Variants in RNF150 observed in about 807,000 individuals in gnomAD.
RNF150 encodes ring finger protein 150.
Under a neutral mutation model 39.3 loss-of-function variants are expected in RNF150, and 24 were observed. The observed-to-expected ratio is 0.61, with a 90% CI of 0.44 to 0.86. The LOEUF is 0.86. Ranked by LOEUF, RNF150 falls within the 40% of genes least tolerant of loss-of-function variation. The probability of loss-of-function intolerance (pLI) is 0.00; values close to 1 mark genes in which losing one functional copy is unlikely to be tolerated. For synonymous variants in RNF150, 255 were observed against 227.3 expected, an observed-to-expected ratio of 1.12 and a Z score of -1.10; for missense variants, 502 against 587.8, an observed-to-expected ratio of 0.85 and a Z score of 1.51.
intron 5 of RNF150, among the ~76,000 whole-genome samples, chr4:140,915,296 G>C (rs1366136637): frequency 1.3e-5 from 2 of 152,206 alleles, no homozygotes; most frequent in East Asian, 3.9e-4. Context: ...TGCATAAAAA[G>C]GGTTTCAGTT....
At chr4:141,041,131 G>A (rs1197309316) in intron 1 of RNF150, among the ~76,000 whole-genome samples, 3 of 152,114 alleles carry the variant, frequency 2.0e-5, no homozygotes, top group Non-Finnish European at 4.4e-5. Flanking sequence ...TAAGCCTACA[G>A]CAAAAAACTG....
chr4:141,165,492 T>A (rs1727584687), intron 1 of RNF150, among the ~76,000 whole-genome samples: 1 of 152,206 alleles, frequency 6.6e-6, no homozygotes, highest in African/African-American at 2.4e-5. Context: ...CAACAGAATA[T>A]ACATTTTTCT....
intron 1 of RNF150, among the ~76,000 whole-genome samples, chr4:141,163,114 G>A (rs1046190134): frequency 6.6e-6 from 1 of 152,152 alleles, no homozygotes; most frequent in Non-Finnish European, 1.5e-5. Flanking sequence ...GGGCTTGGTT[G>A]GGGCAGAGGT....
intron 5 of RNF150, among the ~76,000 whole-genome samples, chr4:140,925,590 T>C (rs1031145160): frequency 1.3e-5 from 2 of 152,066 alleles, no homozygotes. Context: ...TGGGGCAAAG[T>C]GTGGCTTACG....
At chr4:141,190,539 T>C (rs778685291) in intron 1 of RNF150, among the ~76,000 whole-genome samples, 11 of 152,206 alleles carry the variant, frequency 7.2e-5, no homozygotes, top group South Asian at 2.1e-4. Context: ...ACAACTTGAA[T>C]GAGCTTGGAA....
chr4:140,879,313 T>C (rs893726427), intron 6 of RNF150, among the ~76,000 whole-genome samples: 2 of 152,210 alleles, frequency 1.3e-5, no homozygotes, highest in Admixed American at 1.3e-4. Flanking sequence ...AATTTACAGA[T>C]TGCTTTGGGT....
At chr4:140,952,322 C>G (rs537127246) in intron 2 of RNF150, among the ~76,000 whole-genome samples, 2 of 152,154 alleles carry the variant, frequency 1.3e-5, no homozygotes, top group Non-Finnish European at 2.9e-5. Context: ...AGGGAGCCAA[C>G]ATTTTTAAAA....
At chr4:140,905,038 TG>T (rs951616184) in intron 6 of RNF150, among the ~76,000 whole-genome samples, 12 of 152,326 alleles carry the variant, frequency 7.9e-5, no homozygotes, top group Admixed American at 5.9e-4. Context: ...ATGAACTCTT[TG>T]GAAGTTTTTC....
intron 6 of RNF150, 102 bp downstream of exon 6, chr4:140,911,042 C>G: frequency 1.1e-6 from 1 of 879,786 alleles, no homozygotes; most frequent in Non-Finnish European, 1.8e-6. Context: ...CAATGATGTA[C>G]TCATTCAATA....
At position 141,132,556 on chromosome 4, in the gene RNF150, C is replaced by G; in HGVS notation, c.253G>C (p.Asp85His). 2.5e-6 allele frequency: 4 copies of G among 1,591,916 alleles called. No individual in the cohort carries two copies. The highest frequency in any genetic ancestry group is 3.4e-6 in the Non-Finnish European group (4 of 1,170,118). The part of the protein sequence containing the change: ...GRYGEHSPKQ[D>H]ARGEVVMASS... ...GCCATGACCACCTCCCCGCGGGCGT[C>G]CTGCTTGGGCGAGTGCTCTCCGTAG... The change falls in exon 1 of 7, where the codon GAC becomes CAC. Residue 85 changes from aspartate (D) to histidine (H), a missense_variant. Transcript: ENST00000515673. The surrounding 1 kb of genome is among the most constrained non-coding windows in gnomAD (Gnocchi z 4.9).
chr4:141,200,613 A>G (rs1330829085), intron 1 of RNF150, among the ~76,000 whole-genome samples: 4 of 152,150 alleles, frequency 2.6e-5, no homozygotes, highest in Non-Finnish European at 5.9e-5. Context: ...TCCACCTCCT[A>G]ATACTATCAC....
At chr4:141,078,608 C>T (rs977449984) in intron 1 of RNF150, among the ~76,000 whole-genome samples, 8 of 150,546 alleles carry the variant, frequency 5.3e-5, no homozygotes, top group South Asian at 4.2e-4. Context: ...GGTGAAACCC[C>T]GTCTCTACTA....
At chr4:141,084,729 T>A (rs1190089892) in intron 1 of RNF150, among the ~76,000 whole-genome samples, 3 of 152,242 alleles carry the variant, frequency 2.0e-5, no homozygotes, top group African/African-American at 7.2e-5. Context: ...AAAGATTCAC[T>A]TTGTCAAAAT....
At chr4:141,052,746 G>A (rs902479025) in intron 1 of RNF150, among the ~76,000 whole-genome samples, 5 of 152,162 alleles carry the variant, frequency 3.3e-5, no homozygotes, top group Non-Finnish European at 7.4e-5. Context: ...GATGTGCTGG[G>A]AGGAGTGCAT....
chr4:141,202,551 T>C (rs1054227002), intron 1 of RNF150, among the ~76,000 whole-genome samples: 1 of 152,160 alleles, frequency 6.6e-6, no homozygotes, highest in African/African-American at 2.4e-5. Flanking sequence ...AATGATTATT[T>C]TTCAAATTTT....
intron 1 of RNF150, among the ~76,000 whole-genome samples, chr4:140,985,374 GGA>G (rs1192565558): frequency 2.6e-5 from 4 of 152,110 alleles, no homozygotes; most frequent in Admixed American, 6.6e-5. Flanking sequence ...CTATCTGAAG[GGA>G]GAGTCAAGGA....
chr4:140,930,863 C>T (rs1731604091), intron 4 of RNF150, among the ~76,000 whole-genome samples: 2 of 151,972 alleles, frequency 1.3e-5, no homozygotes, highest in Admixed American at 1.3e-4. Flanking sequence ...CAAGGCCCTG[C>T]CCTTTAAGGC....
chr4:140,984,471 T>A lies in RNF150; in HGVS notation c.485-16598A>T, dbSNP rs113924090. ...GAATGCATTTTAGGAAGATCTCAAGTCTAGGATGGGAAGAAGGGTTCGGCA... is the reference window on the plus strand; with the variant it reads ...GAATGCATTTTAGGAAGATCTCAAGACTAGGATGGGAAGAAGGGTTCGGCA... On this transcript the variant is annotated intron_variant, in intron 1 of 6. Coordinates refer to ENST00000515673, the MANE Select transcript of RNF150 (RefSeq NM_020724.2). Among the ~76,000 whole-genome samples the A allele has an allele frequency of 4.0e-3, 610 of 152,220 alleles. 4 individuals are homozygous for A. The highest frequency in any genetic ancestry group is 0.014 in the African/African-American group (570 of 41,538).
intron 6 of RNF150, among the ~76,000 whole-genome samples, chr4:140,881,022 C>T (rs184703644): frequency 2.0e-3 from 299 of 152,190 alleles, no homozygotes; most frequent in Middle Eastern, 0.014. Flanking sequence ...TATATCTGCT[C>T]TAATCTTTAT....
Sources: gnomAD v4.1 joint callset for allele counts (sites outside exome capture counted in the v4.1 genomes callset) on GRCh38, gnomAD v4.1.1 for gene constraint, Gnocchi (gnomAD v3.1) non-coding constraint, MANE v1.5 for transcripts, NCBI Gene and HGNC (gene_info 2026-07-23, HGNC 2026-07-21) for gene names.